Variants in ALMS1 observed in about 807,000 individuals in gnomAD.
The protein encoded by ALMS1 is ALMS1 centrosome and basal body associated protein.
ALMS1 carries 271 observed loss-of-function variants against 352.2 expected under a neutral mutation model. That is an observed-to-expected ratio of 0.77 (90% CI 0.70 to 0.85). The LOEUF is 0.85. Among genes scored for constraint, ALMS1 ranks in the 40% least tolerant of loss-of-function variants. The probability of loss-of-function intolerance (pLI) is 0.00; values close to 1 mark genes in which losing one functional copy is unlikely to be tolerated. For missense variants in ALMS1, 5,445 were observed against 4,870.7 expected, an observed-to-expected ratio of 1.12 and a Z score of -3.51; for synonymous variants, 1,865 against 1,761.2, an observed-to-expected ratio of 1.06 and a Z score of -1.48.
chr2:73,584,030 A>G (rs939451376), intron 16 of ALMS1, among the ~76,000 whole-genome samples: 5 of 152,176 alleles, frequency 3.3e-5, no homozygotes, highest in Admixed American at 6.5e-5. Context: ...TATGTAATGC[A>G]TGTTTCTTCG....
chr2:73,556,396 C>G (rs575719311), intron 13 of ALMS1, among the ~76,000 whole-genome samples: 6 of 151,778 alleles, frequency 4.0e-5, no homozygotes, highest in African/African-American at 1.4e-4. Context: ...CAAAAATGAT[C>G]AAAAAAGTAG....
At chr2:73,544,633 G>T (rs1305933436) in intron 12 of ALMS1, among the ~76,000 whole-genome samples, 1 of 152,174 alleles carries the variant, frequency 6.6e-6, no homozygotes, top group Non-Finnish European at 1.5e-5. Flanking sequence ...AGCCATTACG[G>T]AAAACATTGT....
At chr2:73,587,416 C>T (rs773365283) in intron 16 of ALMS1, among the ~76,000 whole-genome samples, 2 of 152,066 alleles carry the variant, frequency 1.3e-5, no homozygotes, top group Non-Finnish European at 2.9e-5. Flanking sequence ...TGTGGGTTTG[C>T]CATAGATGGC....
At chr2:73,385,822 CT>C, upstream of ALMS1, 1 of 682,678 alleles carries the variant, frequency 1.5e-6, no homozygotes. Context: ...CTTCCCCTCC[CT>C]CCCCCCCTCC....
Position 73,453,908 on chromosome 2 carries a change from G to C in ALMS1, c.7381G>C (p.Glu2461Gln). 6.2e-7 allele frequency: 1 copy of C among 1,614,100 alleles called. No individual in the cohort carries two copies. Among genetic ancestry groups the C allele is most frequent in the Non-Finnish European group, 8.5e-7 (1 of 1,179,998 alleles). Residue 2461 changes from glutamate (E) to glutamine (Q), a missense_variant, in exon 8 of 23, where the codon GAG becomes CAG. Glu to Gln is a conservative substitution (Grantham distance 29, BLOSUM62 2). Coordinates refer to ENST00000613296, the MANE Select transcript of ALMS1 (RefSeq NM_001378454.1). ...CAAGACAAGTATAACAGATAGCAGG[G>C]AGGAAGAGGGTGTGTCAGAGAGTGA... ...SPKTSITDSR[E>Q]EEGVSESEDG...
chr2:73,400,628 C>G (rs532255685), intron 1 of ALMS1, among the ~76,000 whole-genome samples: 2 of 152,138 alleles, frequency 1.3e-5, no homozygotes, highest in South Asian at 4.2e-4. Flanking sequence ...TAGATATAGG[C>G]CTCTTCATTT....
chr2:73,464,894 G>GT (rs1558656449), intron 9 of ALMS1, among the ~76,000 whole-genome samples: 1 of 151,114 alleles, frequency 6.6e-6, no homozygotes, highest in African/African-American at 2.4e-5. Context: ...TACAAGGGAT[G>GT]GAAGGACTTC....
intron 12 of ALMS1, among the ~76,000 whole-genome samples, chr2:73,541,141 A>G (rs972015760): frequency 6.6e-6 from 1 of 152,222 alleles, no homozygotes; most frequent in Non-Finnish European, 1.5e-5. Context: ...TCCTCAGCAA[A>G]TGTAAAAGAA....
At chr2:73,509,181 A>G (rs1043892561) in intron 10 of ALMS1, among the ~76,000 whole-genome samples, 1 of 152,076 alleles carries the variant, frequency 6.6e-6, no homozygotes, top group East Asian at 1.9e-4. Context: ...CAGCACACCA[A>G]TGGGTCTTGA....
Position 73,386,224 on chromosome 2 carries a change from C to T in ALMS1, c.324+32C>T, listed in dbSNP as rs1186349268. The T allele has an allele frequency of 3.4e-6, 5 of 1,485,106 alleles. No individual in the cohort carries two copies. The African/African-American group carries it at 4.3e-5, about 13-fold the overall frequency. 92.0% of individuals were successfully genotyped at this position (1,485,106 alleles called of 1,614,324 possible). A position where few individuals can be genotyped will look rare whatever the true frequency, so the allele number is the denominator to read the frequency against. On this transcript the variant is annotated intron_variant, in intron 1 of 22. Transcript: ENST00000613296. ...CGGGCCGGGGAGGGGTGTGGAGCCGCGGCGAGTTGGGGGTGGAGGCTGGGC... is the reference window on the plus strand; with the variant it reads ...CGGGCCGGGGAGGGGTGTGGAGCCGTGGCGAGTTGGGGGTGGAGGCTGGGC...
rs142643706 is a variant in ALMS1 at position 73,439,140 on chromosome 2, A to T, written c.1432+6849A>T. Among the ~76,000 whole-genome samples the T allele has an allele frequency of 5.8e-3, 766 of 131,922 alleles. 8 individuals are homozygous for T. The highest frequency in any genetic ancestry group is 0.023 in the African/African-American group (733 of 32,532). 86.5% of individuals were successfully genotyped at this position (131,922 alleles called of 152,430 possible). ...TCTTTTTTTTTTTTTTTAAATAAAG[A>T]TAAAGTCTCACTCTGTTGCCCAGGC... On this transcript the variant is annotated intron_variant, in intron 7 of 22. Coordinates refer to ENST00000613296, the MANE Select transcript of ALMS1 (RefSeq NM_001378454.1).
At chr2:73,565,804 A>T (rs1163031250) in intron 15 of ALMS1, among the ~76,000 whole-genome samples, 1 of 152,214 alleles carries the variant, frequency 6.6e-6, no homozygotes, top group African/African-American at 2.4e-5. Flanking sequence ...AGACAAACTC[A>T]AATGAAGGAC....
chr2:73,459,068 T>C, intron 9 of ALMS1: 1 of 149,916 alleles, frequency 6.7e-6, no homozygotes, highest in East Asian at 1.9e-4. Flanking sequence ...TTTTAAATGA[T>C]TTTTTTTTTA....
intron 16 of ALMS1, among the ~76,000 whole-genome samples, chr2:73,591,354 C>T (rs998223678): frequency 2.6e-5 from 4 of 151,882 alleles, no homozygotes; most frequent in African/African-American, 9.7e-5. Flanking sequence ...AAATTTATTT[C>T]CAAATGGTAG....
chr2:73,464,915 A>T (rs536395362), intron 9 of ALMS1, among the ~76,000 whole-genome samples: 3 of 152,214 alleles, frequency 2.0e-5, no homozygotes, highest in Non-Finnish European at 2.9e-5. Flanking sequence ...TTCAAGGAGA[A>T]CTACAAACCA....
At chr2:73,436,817 C>G (rs951578276) in intron 7 of ALMS1, among the ~76,000 whole-genome samples, 2 of 152,104 alleles carry the variant, frequency 1.3e-5, no homozygotes, top group Non-Finnish European at 2.9e-5. Flanking sequence ...CTTTTCTTCC[C>G]TTTGAATATG....
chr2:73,564,164 T>A (rs984395661), intron 15 of ALMS1, among the ~76,000 whole-genome samples: 4 of 152,038 alleles, frequency 2.6e-5, no homozygotes, highest in African/African-American at 4.8e-5. Flanking sequence ...AGATATAATT[T>A]ACCCATTTAA....
At position 73,451,082 on chromosome 2, in the gene ALMS1, A is replaced by G. The variant is rs1382868788; in HGVS notation, c.4555A>G (p.Thr1519Ala). Residue 1519 changes from threonine to alanine, a missense_variant, in exon 8 of 23, where the codon ACC (threonine) becomes GCC (alanine). Coordinates refer to ENST00000613296, the MANE Select transcript of ALMS1 (RefSeq NM_001378454.1). ...VGQTTGAPTI[T>A]SPSYSQHRAK... is the part of the protein sequence containing the mutation. ...CCAGACAACTGGCGCACCAACTATAACCTCTCCTTCCTACTCACAACATAG... is the reference window on the plus strand; with the variant it reads ...CCAGACAACTGGCGCACCAACTATAGCCTCTCCTTCCTACTCACAACATAG... 6.2e-7 allele frequency: 1 copy of G among 1,612,478 alleles called. No homozygotes were observed. Among genetic ancestry groups the G allele is most frequent in the Non-Finnish European group, 8.5e-7 (1 of 1,179,658 alleles).
intron 5 of ALMS1, 66 bp from the exon 6 acceptor site, chr2:73,426,386 TC>T: frequency 6.6e-7 from 1 of 1,520,156 alleles, no homozygotes; most frequent in Non-Finnish European, 9.1e-7. Context: ...TGAAAGTCCT[TC>T]GTGTGTGGGA....
Sources: allele counts gnomAD v4.1 joint callset (sites outside exome capture counted in the v4.1 genomes callset), GRCh38; gene constraint gnomAD v4.1.1; transcripts MANE v1.5; gene names NCBI Gene and HGNC (gene_info 2026-07-23, HGNC 2026-07-21).